XKR9: variants seen among roughly 807,000 people sequenced by gnomAD.
XKR9 encodes the protein XK-related protein 9.
In XKR9, 32 loss-of-function variants were observed where a neutral mutation model predicts 32.0. That is an observed-to-expected ratio of 1.00 (90% confidence interval 0.76 to 1.34). The LOEUF is 1.34. XKR9 is among the 40% of genes most tolerant of loss of function. The pLI is 0.00. For synonymous variants in XKR9, 168 were observed against 143.4 expected, an observed-to-expected ratio of 1.17 and a Z score of -1.22; for missense variants, 546 against 429.7, an observed-to-expected ratio of 1.27 and a Z score of -2.39.
At chr8:70,928,870 T>C in the XKR9 span, among the ~76,000 whole-genome samples, 1 of 152,154 alleles carries the variant, frequency 6.6e-6, no homozygotes, top group African/African-American at 2.4e-5. Flanking sequence ...AATCCAACTA[T>C]AGGAGTTGAG....
the XKR9 span, among the ~76,000 whole-genome samples, chr8:70,846,190 C>T: frequency 0.011 from 1,695 of 152,050 alleles, 29 homozygotes; most frequent in African/African-American, 0.037. Context: ...AGAAAGAGTA[C>T]CTTACTTACC....
chr8:70,833,083 T>G, the XKR9 span, among the ~76,000 whole-genome samples: 2 of 152,224 alleles, frequency 1.3e-5, no homozygotes, highest in Non-Finnish European at 2.9e-5. Flanking sequence ...TTGTCATATC[T>G]TCTGTCAAAC....
chr8:70,978,240 G>A, the XKR9 span, among the ~76,000 whole-genome samples: 62 of 151,220 alleles, frequency 4.1e-4, no homozygotes, highest in African/African-American at 1.4e-3. Context: ...TTACATTTAA[G>A]GTTAGTATTG....
the XKR9 span, among the ~76,000 whole-genome samples, chr8:70,877,490 A>G: frequency 1.3e-5 from 2 of 152,328 alleles, no homozygotes; most frequent in East Asian, 3.9e-4. Flanking sequence ...TGGCTAATAA[A>G]GGTCAGAGCT....
chr8:70,870,986 G>A, the XKR9 span, among the ~76,000 whole-genome samples: 1 of 152,126 alleles, frequency 6.6e-6, no homozygotes, highest in Non-Finnish European at 1.5e-5. Flanking sequence ...CACAAGTGGG[G>A]ACTATTTGTA....
At chr8:70,728,786 A>C (rs183936176) in intron 4 of XKR9, among the ~76,000 whole-genome samples, 203 of 152,346 alleles carry the variant, frequency 1.3e-3, no homozygotes, top group Non-Finnish European at 6.9e-4. Flanking sequence ...TAATTATTGC[A>C]TACGGTGCAG....
intron 2 of XKR9, among the ~76,000 whole-genome samples, chr8:70,784,383 GA>G (rs1327975378): frequency 6.0e-5 from 9 of 150,288 alleles, no homozygotes; most frequent in East Asian, 5.8e-4. Context: ...TTTCTTTCAT[GA>G]TTTTTTTATA....
chr8:70,925,079 T>G, the XKR9 span, among the ~76,000 whole-genome samples: 2 of 152,218 alleles, frequency 1.3e-5, no homozygotes, highest in African/African-American at 4.8e-5. Context: ...ATTCTATGCC[T>G]CTCTTGTACT....
chr8:70,698,490 T>C (rs372834240), intron 3 of XKR9, among the ~76,000 whole-genome samples: 4 of 151,992 alleles, frequency 2.6e-5, no homozygotes, highest in East Asian at 1.9e-4. Context: ...TGTAGTTGAG[T>C]GGTTTTGAGT....
the XKR9 span, among the ~76,000 whole-genome samples, chr8:70,839,542 A>AT: frequency 6.6e-6 from 1 of 152,196 alleles, no homozygotes; most frequent in South Asian, 2.1e-4. Context: ...CACGAGGACA[A>AT]TTTTTTCTGC....
At chr8:71,009,783 G>A in the XKR9 span, among the ~76,000 whole-genome samples, 65,100 of 151,982 alleles carry the variant, frequency 0.43, 15,081 homozygotes, top group Non-Finnish European at 0.53. Flanking sequence ...ACTTGAACAG[G>A]TAAATTCTCA....
intron 4 of XKR9, among the ~76,000 whole-genome samples, chr8:70,713,677 A>C (rs549245610): frequency 2.8e-4 from 42 of 151,982 alleles, no homozygotes; most frequent in African/African-American, 9.2e-4. Context: ...GTTAAGAAGA[A>C]GAATGAAAAT....
the XKR9 span, among the ~76,000 whole-genome samples, chr8:70,876,514 C>T: frequency 9.9e-5 from 15 of 151,914 alleles, no homozygotes; most frequent in Non-Finnish European, 1.8e-4. Context: ...TTAATCTGTC[C>T]AGTGCAAAAA....
the XKR9 span, among the ~76,000 whole-genome samples, chr8:70,979,660 G>T: frequency 2.6e-4 from 39 of 152,180 alleles, no homozygotes; most frequent in African/African-American, 9.4e-4. Context: ...GGCTGTGTGA[G>T]GTGTCAGTCA....
intron 2 of XKR9, among the ~76,000 whole-genome samples, chr8:70,787,802 A>G (rs1435218106): frequency 1.3e-5 from 2 of 152,080 alleles, no homozygotes; most frequent in Non-Finnish European, 2.9e-5. Context: ...ATTATTCAAT[A>G]CTATTTGGAG....
chr8:71,060,498 T>C, the XKR9 span, among the ~76,000 whole-genome samples: 1 of 152,218 alleles, frequency 6.6e-6, no homozygotes, highest in African/African-American at 2.4e-5. Flanking sequence ...ACTGCTGAGC[T>C]ATTGGCTGGG....
At chr8:70,717,543 C>T (rs1806132321) in intron 4 of XKR9, among the ~76,000 whole-genome samples, 1 of 152,264 alleles carries the variant, frequency 6.6e-6, no homozygotes, top group East Asian at 1.9e-4. Flanking sequence ...CCCCTTTTAG[C>T]CATAGCTAGA....
At chr8:70,917,753 C>T in the XKR9 span, among the ~76,000 whole-genome samples, 1 of 152,106 alleles carries the variant, frequency 6.6e-6, no homozygotes, top group African/African-American at 2.4e-5. Flanking sequence ...GCCAGATTAC[C>T]TGGGTTCAAA....
the XKR9 span, among the ~76,000 whole-genome samples, chr8:70,890,131 G>A: frequency 6.6e-6 from 1 of 151,744 alleles, no homozygotes; most frequent in African/African-American, 2.4e-5. Flanking sequence ...GATGTGAGAT[G>A]GTCTCATTGT....
Sources: gnomAD v4.1 joint callset for allele counts (sites outside exome capture counted in the v4.1 genomes callset) on GRCh38, gnomAD v4.1.1 for gene constraint, MANE v1.5 for transcripts, NCBI Gene and HGNC (gene_info 2026-07-23, HGNC 2026-07-21) for gene names.